Variants in PACS2 observed in about 807,000 individuals in gnomAD.
PACS2 encodes the protein phosphofurin acidic cluster sorting protein 2, also known as PACS1-like protein.
A neutral mutation model predicts 113.0 loss-of-function variants in PACS2; 36 were observed. That is an observed-to-expected ratio of 0.32 (90% CI 0.24 to 0.42). PACS2 has a LOEUF of 0.42. Among genes scored for constraint, PACS2 ranks in the 10% least tolerant of loss-of-function variants. The pLI is 1.00. For synonymous variants in PACS2, 589 were observed against 536.1 expected (o/e 1.10, Z -1.36); for missense variants, 1,015 against 1,239.5 (o/e 0.82, Z 2.72).
At chr14:105,349,741 C>T (rs1415796076) in intron 2 of PACS2, among the ~76,000 whole-genome samples, 1 of 152,270 alleles carries the variant, frequency 6.6e-6, no homozygotes, top group African/African-American at 2.4e-5. Flanking sequence ...ACATCTGCGG[C>T]GTGTGCTGGT....
At position 105,367,373 on chromosome 14, in the gene PACS2, C is replaced by T. The variant is rs1379927163; in HGVS notation, c.584C>T (p.Thr195Met). Residue 195 changes from threonine (T) to methionine (M), a missense_variant and splice_region_variant, in exon 5 of 25, where the codon ACG (threonine) becomes ATG (methionine). Around this residue, in one of 3 missense-constraint regions of PACS2, gnomAD observed 859 missense variants for 1,056.8 expected, o/e 0.81. Coordinates refer to ENST00000447393, the MANE Select transcript of PACS2 (RefSeq NM_001100913.3). ...CAGGCCGGCCCCAAGGCCAAGTCCA[C>T]GGGTGAGTGTGGTGCCAGCCCGCTC... ...TMQAGPKAKS[T>M]DNYSEEEYES... The T allele has an allele frequency of 2.5e-6, 4 of 1,612,892 alleles. No individual in the cohort carries two copies. The highest frequency in any genetic ancestry group is 3.4e-6 in the Non-Finnish European group (4 of 1,179,742).
intron 16 of PACS2, 81 bp downstream of exon 16, chr14:105,383,594 G>A (rs1057446248): frequency 5.5e-5 from 77 of 1,391,766 alleles, no homozygotes; most frequent in South Asian, 1.3e-4. Flanking sequence ...GTGGCGTGGC[G>A]TGGCGTGTTG....
chr14:105,327,843 C>T (rs1444482912), intron 1 of PACS2, among the ~76,000 whole-genome samples: 2 of 152,156 alleles, frequency 1.3e-5, no homozygotes, highest in African/African-American at 4.8e-5. Context: ...TGAGCCTTGG[C>T]TCACCGGCCC....
intron 1 of PACS2, among the ~76,000 whole-genome samples, chr14:105,316,220 G>A (rs1367247159): frequency 6.6e-6 from 1 of 151,292 alleles, no homozygotes; most frequent in South Asian, 2.1e-4. Flanking sequence ...GCCTCCCGAA[G>A]GACCCAGTGT....
Position 105,355,301 on chromosome 14 carries a change from G to A in PACS2, c.423+124G>A. 1.6e-6 allele frequency: 2 copies of A among 1,213,436 alleles called. No homozygotes were observed. Among genetic ancestry groups the A allele is most frequent in the Non-Finnish European group, 1.1e-6 (1 of 890,612 alleles). The allele number at this position is 1,213,436 out of a possible 1,614,324, so 75.2% of individuals were successfully genotyped here. A position where few individuals can be genotyped will look rare whatever the true frequency, so the allele number is the denominator to read the frequency against. ...TCCAGGGATCAGGTGAAAATGATGA[G>A]AGGAGCCTGGGCGGCCGGGCTCCGC... On this transcript the variant is annotated intron_variant, in intron 4 of 24. Coordinates refer to ENST00000447393, the MANE Select transcript of PACS2 (RefSeq NM_001100913.3). The surrounding 1 kb of genome is among the most constrained non-coding windows in gnomAD (Gnocchi z 4.1).
At position 105,348,391 on chromosome 14, in the gene PACS2, C is replaced by A; in HGVS notation, c.120-102C>A. 1 of 866,140 alleles carries A rather than the reference C, an allele frequency of 1.2e-6. No individual in the cohort carries two copies. The highest frequency in any genetic ancestry group is 1.5e-5 in the South Asian group (1 of 66,858). 53.7% of individuals were successfully genotyped at this position (866,140 alleles called of 1,614,324 possible). ...AGGCAGTCACACCCCGCCCTGCACC[C>A]CAGGGTGCAGGCTCCCGGGGTGACA... is the stretch of plus-strand genomic sequence containing the variant. On this transcript the variant is annotated intron_variant, in intron 1 of 24. Coordinates refer to ENST00000447393, the MANE Select transcript of PACS2 (RefSeq NM_001100913.3). The surrounding 1 kb of genome is among the most constrained non-coding windows in gnomAD (Gnocchi z 6.4).
chr14:105,359,955 T>C (rs2060614877), intron 4 of PACS2, among the ~76,000 whole-genome samples: 1 of 152,200 alleles, frequency 6.6e-6, no homozygotes, highest in Non-Finnish European at 1.5e-5. Context: ...TAAATGTGTT[T>C]AGACACATAA....
rs782138957 is a variant in PACS2, at chr14:105,389,902, G to C, written c.2034-59G>C. 2.2e-5 allele frequency: 33 copies of C among 1,484,940 alleles called. 1 individual carries two copies. The highest frequency in any genetic ancestry group is 1.7e-4 in the Middle Eastern group (1 of 5,716). The allele number at this position is 1,484,940 out of a possible 1,614,324, so 92.0% of individuals were successfully genotyped here. A position where few individuals can be genotyped will look rare whatever the true frequency, so the allele number is the denominator to read the frequency against. On this transcript the variant is annotated intron_variant, in intron 19 of 24. Coordinates refer to ENST00000447393, the MANE Select transcript of PACS2 (RefSeq NM_001100913.3). ...GGTTCTCAGGCCAAGAGGGAGCTGT[G>C]CCCACCAGGCGGGGCTGTGCCCTGA...
chr14:105,306,960 G>A (rs1262521989), intron 1 of PACS2, among the ~76,000 whole-genome samples: 1 of 152,008 alleles, frequency 6.6e-6, no homozygotes, highest in Non-Finnish European at 1.5e-5. Context: ...TGGACCTAGA[G>A]AGGGACTCCC....
At chr14:105,367,528 A>C (rs2060980899) in intron 5 of PACS2, among the ~76,000 whole-genome samples, 153 bp downstream of exon 5, 1 of 152,226 alleles carries the variant, frequency 6.6e-6, no homozygotes, top group South Asian at 2.1e-4. Context: ...AAGCCACAGC[A>C]GAGGTGCGCG....
chr14:105,342,620 TAAAAC>T (rs2059776201), intron 1 of PACS2, among the ~76,000 whole-genome samples: 2 of 151,760 alleles, frequency 1.3e-5, no homozygotes, highest in African/African-American at 4.8e-5. Context: ...CTGTCTTTAA[TAAAAC>T]AAAAACTTTG....
At chr14:105,350,090 G>A (rs1057177444) in intron 2 of PACS2, among the ~76,000 whole-genome samples, 2 of 148,782 alleles carry the variant, frequency 1.3e-5, no homozygotes, top group East Asian at 1.9e-4. Context: ...GGATGGAAGC[G>A]TCTCTCCGCC....
At chr14:105,312,231 G>T (rs1435048549), upstream of PACS2, among the ~76,000 whole-genome samples, 1 of 152,234 alleles carries the variant, frequency 6.6e-6, no homozygotes, top group African/African-American at 2.4e-5. Flanking sequence ...CAGAGGAAAG[G>T]CCTCGGCCCA....
At chr14:105,336,966 C>T (rs1207600646) in intron 1 of PACS2, among the ~76,000 whole-genome samples, 7 of 152,210 alleles carry the variant, frequency 4.6e-5, no homozygotes, top group African/African-American at 7.2e-5. Flanking sequence ...ACGGTGACTG[C>T]GTGATGGACG....
intron 1 of PACS2, chr14:105,300,994 G>A (rs996139020): frequency 6.5e-6 from 1 of 153,322 alleles, no homozygotes; most frequent in Non-Finnish European, 1.5e-5. Context: ...GCGCAGCCGA[G>A]GACTGGCGCT....
chr14:105,352,490 C>A, intron 3 of PACS2, 23 bp downstream of exon 3: 2 of 1,444,496 alleles, frequency 1.4e-6, no homozygotes, highest in Non-Finnish European at 1.9e-6. Flanking sequence ...CCAGTGGTGA[C>A]GACACCCTCA....
In PACS2 at chr14:105,317,674, T is replaced by C. The variant is rs1431262661; in HGVS notation, c.119+2637T>C. ...GCAGTTTCTTTAGAGATAGTCATCC[T>C]TTCTCGGCTGTGTTGAGGATGTCCC... On this transcript the variant is annotated intron_variant, in intron 1 of 24. Transcript: ENST00000447393. The surrounding 1 kb of genome is among the most constrained non-coding windows in gnomAD (Gnocchi z 4.2). Among the ~76,000 whole-genome samples the C allele has an allele frequency of 6.6e-6, 1 of 152,202 alleles. No homozygotes were observed. The highest frequency in any genetic ancestry group is 1.5e-5 in the Non-Finnish European group (1 of 68,034).
chr14:105,377,854 T>C (rs1187037386), intron 9 of PACS2, among the ~76,000 whole-genome samples: 1 of 152,214 alleles, frequency 6.6e-6, no homozygotes, highest in Non-Finnish European at 1.5e-5. Flanking sequence ...TTGGCCAGGG[T>C]CTCGCTGGGC....
At position 105,354,741 on chromosome 14, in the gene PACS2, G is replaced by A. The variant is rs1171793936; in HGVS notation, c.298-311G>A. 4.6e-5 allele frequency among the ~76,000 whole-genome samples: 7 copies of A among 152,218 alleles called. No homozygotes were observed. Among genetic ancestry groups the A allele is most frequent in the African/African-American group, 1.4e-4 (6 of 41,446 alleles). On this transcript the variant is annotated intron_variant, in intron 3 of 24. Transcript: ENST00000447393. This position sits in a 1 kb window ranked among gnomAD's most constrained non-coding sequence, Gnocchi z 4.2. ...ACACTGTTTCCGAGTGTCCACAGGC[G>A]CGCTCGGCCATCCCGGACACTGCAG...
Sources: allele counts gnomAD v4.1 joint callset (sites outside exome capture counted in the v4.1 genomes callset), GRCh38; gene constraint gnomAD v4.1.1; regional missense constraint gnomAD v4.1.1; non-coding constraint Gnocchi (gnomAD v3.1); transcripts MANE v1.5; gene names NCBI Gene and HGNC (gene_info 2026-07-23, HGNC 2026-07-21).